The following EVI5 variants were observed in gnomAD, a reference collection of about 807,000 sequenced individuals.
EVI5 encodes ecotropic viral integration site 5 protein homolog.
EVI5 carries 73 observed loss-of-function variants against 112.0 expected under a neutral mutation model. The observed-to-expected ratio is 0.65, with a 90% CI of 0.54 to 0.79. EVI5 has a LOEUF of 0.79. Ranked by LOEUF, EVI5 falls within the 30% of genes least tolerant of loss-of-function variation. The pLI, the probability that EVI5 is intolerant of heterozygous loss-of-function variation, is 0.00. For missense variants in EVI5, 900 were observed against 968.8 expected (o/e 0.93, Z 0.94); for synonymous variants, 305 against 319.9 (o/e 0.95, Z 0.50).
At chr1:92,558,211 C>T (rs528848837) in intron 19 of EVI5, among the ~76,000 whole-genome samples, 4 of 152,280 alleles carry the variant, frequency 2.6e-5, no homozygotes, top group Admixed American at 2.6e-4. Context: ...GCTCTCTTGA[C>T]CCTAAAGGTT....
chr1:92,710,086 CAAA>C (rs71091297), intron 2 of EVI5, among the ~76,000 whole-genome samples: 4 of 82,778 alleles, frequency 4.8e-5, no homozygotes, highest in Non-Finnish European at 8.5e-5. Flanking sequence ...TATTGCAAAG[CAAA>C]AAAAAAAAAA....
At chr1:92,703,778 A>C in intron 3 of EVI5, 159 bp from the exon 4 acceptor site, 4 of 582,530 alleles carry the variant, frequency 6.9e-6, no homozygotes, top group Non-Finnish European at 1.2e-5. Flanking sequence ...CTGTAAGTCA[A>C]GGGTAAGATT....
At chr1:92,615,595 C>T (rs1456947975) in intron 16 of EVI5, among the ~76,000 whole-genome samples, 1 of 152,112 alleles carries the variant, frequency 6.6e-6, no homozygotes, top group Non-Finnish European at 1.5e-5. Flanking sequence ...TCCCCATCCC[C>T]AGTAGTGGAA....
In EVI5 at chr1:92,599,931, G is replaced by C. The variant is rs983235709; in HGVS notation, c.2070+5376C>G. Among the ~76,000 whole-genome samples the C allele has an allele frequency of 3.3e-5, 5 of 152,122 alleles. No individual in the cohort carries two copies. The East Asian group carries it at 9.6e-4, about 29-fold the overall frequency. ...CGATATGATTGGTATTTAAAAGGTA[G>C]TCAATGAAATTTCTATGTTTTAGAG... On this transcript the variant is annotated intron_variant, in intron 18 of 19. Coordinates refer to ENST00000684568, the MANE Select transcript of EVI5 (RefSeq NM_001350197.2).
chr1:92,595,808 A>G (rs1344270180), intron 18 of EVI5, among the ~76,000 whole-genome samples: 2 of 152,224 alleles, frequency 1.3e-5, no homozygotes, highest in African/African-American at 4.8e-5. Context: ...GCTAGGGGAA[A>G]CAACTGAAAA....
At chr1:92,618,034 G>C (rs1653624603) in intron 16 of EVI5, among the ~76,000 whole-genome samples, 1 of 152,240 alleles carries the variant, frequency 6.6e-6, no homozygotes, top group Non-Finnish European at 1.5e-5. Flanking sequence ...TGGATGGATA[G>C]AATGGTGGAA....
At chr1:92,610,717 C>T (rs923354368) in intron 16 of EVI5, among the ~76,000 whole-genome samples, 3 of 151,644 alleles carry the variant, frequency 2.0e-5, no homozygotes, top group Non-Finnish European at 4.4e-5. Flanking sequence ...ATTAGTGTCC[C>T]AGAAGAGGTT....
At chr1:92,780,960 T>A (rs1558253120) in intron 1 of EVI5, among the ~76,000 whole-genome samples, 1 of 151,712 alleles carries the variant, frequency 6.6e-6, no homozygotes, top group Non-Finnish European at 1.5e-5. Context: ...CAAGCGATTC[T>A]CCTGCCTCAG....
intron 2 of EVI5, among the ~76,000 whole-genome samples, chr1:92,725,778 G>A (rs1262507405): frequency 6.6e-6 from 1 of 151,394 alleles, no homozygotes; most frequent in Non-Finnish European, 1.5e-5. Flanking sequence ...CAATAATGAG[G>A]TGGGGGGGAA....
In EVI5 at chr1:92,589,166, C is replaced by A. The variant is rs191695435; in HGVS notation, c.2070+16141G>T. Among the ~76,000 whole-genome samples, 511 of 152,322 alleles carry A rather than the reference C, an allele frequency of 3.4e-3. 4 individuals are homozygous for A. The highest frequency in any genetic ancestry group is 0.014 in the Middle Eastern group (4 of 294). Reference sequence around the variant, plus strand: ...CAATATGGCCGAATAGGAACACCTCCAGTCTACAGCTCCCAGCGTGAGTGA... The same window carrying A: ...CAATATGGCCGAATAGGAACACCTCAAGTCTACAGCTCCCAGCGTGAGTGA... On this transcript the variant is annotated intron_variant, in intron 18 of 19. Transcript: ENST00000684568.
intron 1 of EVI5, among the ~76,000 whole-genome samples, chr1:92,751,157 AT>A (rs549038778): frequency 2.1e-3 from 323 of 152,350 alleles, no homozygotes; most frequent in African/African-American, 7.4e-3. Context: ...CTCAAAAAAA[AT>A]AAAAATAAAT....
intron 9 of EVI5, among the ~76,000 whole-genome samples, chr1:92,684,133 T>C (rs1473368730): frequency 6.6e-6 from 1 of 151,258 alleles, no homozygotes; most frequent in Non-Finnish European, 1.5e-5. Context: ...AAGGAAAAAA[T>C]GTTAAGGGCA....
intron 19 of EVI5, among the ~76,000 whole-genome samples, chr1:92,542,520 C>G (rs369644797): frequency 1.3e-5 from 2 of 152,180 alleles, no homozygotes; most frequent in Non-Finnish European, 2.9e-5. Context: ...ATGTTCTTAA[C>G]GACATCTAGA....
intron 4 of EVI5, among the ~76,000 whole-genome samples, chr1:92,702,666 C>G (rs982100222): frequency 3.3e-5 from 5 of 151,596 alleles, no homozygotes; most frequent in Non-Finnish European, 5.9e-5. Flanking sequence ...ATTAGCTGGG[C>G]GTAGTGGCGG....
chr1:92,771,687 A>G (rs994008705), intron 1 of EVI5, among the ~76,000 whole-genome samples: 2 of 150,780 alleles, frequency 1.3e-5, no homozygotes, highest in Non-Finnish European at 3.0e-5. Flanking sequence ...GCTCACCACA[A>G]TCTCCACCTC....
chr1:92,533,342 G>A (rs1437041980), intron 19 of EVI5, among the ~76,000 whole-genome samples: 8 of 152,194 alleles, frequency 5.3e-5, no homozygotes, highest in Middle Eastern at 6.8e-3. Flanking sequence ...ATTCACAGCT[G>A]AATTCCACCA....
intron 16 of EVI5, among the ~76,000 whole-genome samples, chr1:92,616,066 C>G (rs533791207): frequency 8.3e-4 from 126 of 152,186 alleles, no homozygotes; most frequent in Non-Finnish European, 1.1e-3. Context: ...AGTTGAAAGA[C>G]GGACTAGAAG....
At chr1:92,783,508 G>T (rs1039738060) in intron 1 of EVI5, among the ~76,000 whole-genome samples, 2 of 104,884 alleles carry the variant, frequency 1.9e-5, no homozygotes, top group Non-Finnish European at 4.0e-5. Context: ...AAAAAAAAAA[G>T]AAAAGAAAAG....
At chr1:92,548,461 C>T (rs2100718056) in intron 19 of EVI5, among the ~76,000 whole-genome samples, 1 of 152,322 alleles carries the variant, frequency 6.6e-6, no homozygotes, top group African/African-American at 2.4e-5. Flanking sequence ...CCTCTCACCA[C>T]TCCTATTCAA....
Sources: allele counts gnomAD v4.1 joint callset (sites outside exome capture counted in the v4.1 genomes callset), GRCh38; gene constraint gnomAD v4.1.1; transcripts MANE v1.5; gene names NCBI Gene and HGNC (gene_info 2026-07-23, HGNC 2026-07-21).